Variants in DENND5A observed in about 807,000 individuals in gnomAD.
The protein encoded by DENND5A is DENN domain containing 5A.
In DENND5A, 64 loss-of-function variants were observed where a neutral mutation model predicts 140.3. The ratio of observed to expected loss-of-function variants is 0.46; its 90% confidence interval spans 0.37 to 0.56. DENND5A has a LOEUF of 0.56. Ranked by LOEUF, DENND5A falls within the 20% of genes least tolerant of loss-of-function variation. The pLI, the probability that DENND5A is intolerant of heterozygous loss-of-function variation, is 0.00. For synonymous variants in DENND5A, 605 were observed against 607.7 expected (o/e 1.00, Z 0.07); for missense variants, 1,292 against 1,593.8 (o/e 0.81, Z 3.22).
At chr11:9,262,104 T>C (rs541998995) in intron 1 of DENND5A, among the ~76,000 whole-genome samples, 28 of 152,328 alleles carry the variant, frequency 1.8e-4, no homozygotes, top group Non-Finnish European at 3.2e-4. Flanking sequence ...TTTAATGAAA[T>C]GTTGAAAGAC....
intron 1 of DENND5A, among the ~76,000 whole-genome samples, chr11:9,254,225 C>G (rs1471830127): frequency 2.7e-5 from 4 of 150,020 alleles, no homozygotes; most frequent in African/African-American, 9.8e-5. Context: ...ACTCAAGAGG[C>G]TAAGGTAGGA....
At chr11:9,176,316 T>G (rs1176618327) in intron 8 of DENND5A, among the ~76,000 whole-genome samples, 2 of 152,214 alleles carry the variant, frequency 1.3e-5, no homozygotes, top group Non-Finnish European at 2.9e-5. Context: ...TGCCATACAT[T>G]TGGCATCTGG....
At chr11:9,161,000 A>C in intron 11 of DENND5A, 135 bp from the exon 12 acceptor site, 1 of 856,496 alleles carries the variant, frequency 1.2e-6, no homozygotes, top group African/African-American at 1.7e-5. Flanking sequence ...AAGGACACAG[A>C]ATATATTTAT....
intron 1 of DENND5A, among the ~76,000 whole-genome samples, chr11:9,255,009 T>A (rs1197936800): frequency 1.3e-5 from 2 of 151,904 alleles, no homozygotes; most frequent in Non-Finnish European, 2.9e-5. Context: ...AGGCAGAGGT[T>A]GCAGTGAGCC....
At chr11:9,229,997 C>T (rs1251443167) in intron 1 of DENND5A, among the ~76,000 whole-genome samples, 1 of 147,844 alleles carries the variant, frequency 6.8e-6, no homozygotes, top group African/African-American at 2.5e-5. Flanking sequence ...CTCCACCTCC[C>T]GGGTTCACGC....
chr11:9,195,785 T>C (rs1849302682), intron 4 of DENND5A, among the ~76,000 whole-genome samples: 1 of 152,186 alleles, frequency 6.6e-6, no homozygotes, highest in Non-Finnish European at 1.5e-5. Context: ...ACTAGTGTGA[T>C]AAATATGTAT....
chr11:9,170,391 T>C (rs931169929), intron 9 of DENND5A: 1 of 656,384 alleles, frequency 1.5e-6, no homozygotes, highest in African/African-American at 2.0e-5. Context: ...CTGCAGCTTT[T>C]TGCAGGTCCT....
intron 1 of DENND5A, among the ~76,000 whole-genome samples, chr11:9,239,751 C>T (rs12295767): frequency 0.28 from 43,020 of 152,082 alleles, 6,755 homozygotes; most frequent in South Asian, 0.5. Flanking sequence ...CATGTGCTAC[C>T]ATGCCTGGCC....
At chr11:9,142,599 T>C (rs1368375416) in intron 21 of DENND5A, 123 bp downstream of exon 21, 1 of 1,262,806 alleles carries the variant, frequency 7.9e-7, no homozygotes, top group Admixed American at 2.2e-5. Context: ...AGCAAACAAA[T>C]GAGATCTGAG....
chr11:9,225,196 G>A (rs1850480646), intron 1 of DENND5A, among the ~76,000 whole-genome samples: 1 of 151,900 alleles, frequency 6.6e-6, no homozygotes, highest in Non-Finnish European at 1.5e-5. Flanking sequence ...AATCAAACTC[G>A]CAGCCAACTA....
chr11:9,218,866 C>T (rs1010742293), intron 1 of DENND5A, among the ~76,000 whole-genome samples: 3 of 151,826 alleles, frequency 2.0e-5, no homozygotes, highest in Non-Finnish European at 4.4e-5. Flanking sequence ...ATTAGCCAGG[C>T]GTAGTGGCAC....
chr11:9,257,954 G>A (rs1307176288), intron 1 of DENND5A, among the ~76,000 whole-genome samples: 3 of 151,430 alleles, frequency 2.0e-5, no homozygotes, highest in African/African-American at 7.3e-5. Context: ...CACCAGGCCC[G>A]GCTAATTTTT....
chr11:9,199,342 C>T (rs974871717), intron 4 of DENND5A, among the ~76,000 whole-genome samples: 5 of 151,928 alleles, frequency 3.3e-5, no homozygotes, highest in Non-Finnish European at 5.9e-5. Context: ...ACAAAAAATA[C>T]AGAAACTAGC....
In DENND5A at chr11:9,169,947, C is replaced by T. The variant is rs760369620; in HGVS notation, c.2060G>A (p.Trp687Ter). 1 of 1,610,482 alleles carries T rather than the reference C, an allele frequency of 6.2e-7. No homozygotes were observed. Among genetic ancestry groups the T allele is most frequent in the African/African-American group, 1.3e-5 (1 of 74,972 alleles). Residue 687 changes from tryptophan (W) to a stop codon, truncating the protein, a stop_gained and splice_region_variant, in exon 10 of 23, where the codon TGG (tryptophan) becomes TAG (stop). Transcript: ENST00000328194. LOFTEE classifies it high-confidence loss of function. ...CTGGGCAGGGGCATTCCTTTTCGTCCACCTAACACAATCAGAACCAAAGCA... is the reference window on the plus strand; with the variant it reads ...CTGGGCAGGGGCATTCCTTTTCGTCTACCTAACACAATCAGAACCAAAGCA... ...VLSTGPASNK[W>*]TKRNAPAQWR... is the part of the protein sequence containing the mutation.
At chr11:9,257,825 C>A (rs1361153471) in intron 1 of DENND5A, among the ~76,000 whole-genome samples, 1 of 148,430 alleles carries the variant, frequency 6.7e-6, no homozygotes, top group Non-Finnish European at 1.5e-5. Flanking sequence ...CAAGGTCTCA[C>A]TTTGTTGCCC....
intron 4 of DENND5A, among the ~76,000 whole-genome samples, chr11:9,195,086 CT>C (rs35616166): frequency 0.3 from 38,300 of 127,886 alleles, 5,569 homozygotes; most frequent in South Asian, 0.5. Context: ...CTAGTTAAAA[CT>C]TTTTTTTTTT....
At position 9,193,688 on chromosome 11, in the gene DENND5A, C is replaced by A. The variant is rs1190046471; in HGVS notation, c.950-7G>T. On this transcript the variant is annotated splice_region_variant and splice_polypyrimidine_tract_variant and intron_variant, in intron 4 of 22. Transcript: ENST00000328194. ...GTCATCAGTCTCTGGTAATCTGGGT[C>A]AACAACAACAAAAAAAGCACACACA... 9 of 1,591,034 alleles carry A rather than the reference C, an allele frequency of 5.7e-6. No individual in the cohort carries two copies. The highest frequency in any genetic ancestry group is 1.7e-4 in the Middle Eastern group (1 of 5,938).
chr11:9,225,612 A>C (rs1276342163), intron 1 of DENND5A, among the ~76,000 whole-genome samples: 13 of 152,046 alleles, frequency 8.6e-5, no homozygotes. Flanking sequence ...ATACAAAAAA[A>C]ATCAGCCGGG....
At chr11:9,204,356 C>T (rs778141863) in intron 3 of DENND5A, 39 bp from the exon 4 acceptor site, 23 of 1,571,888 alleles carry the variant, frequency 1.5e-5, no homozygotes, top group Non-Finnish European at 2.0e-5. Context: ...TGAGAACACT[C>T]ACTGGCGATC....
Sources: allele counts gnomAD v4.1 joint callset (sites outside exome capture counted in the v4.1 genomes callset), GRCh38; gene constraint gnomAD v4.1.1; transcripts MANE v1.5; gene names NCBI Gene and HGNC (gene_info 2026-07-23, HGNC 2026-07-21).